The following SYTL4 variants were observed in gnomAD, a reference collection of about 807,000 sequenced individuals.
SYTL4 encodes synaptotagmin like 4.
SYTL4 carries 16 observed loss-of-function variants against 52.7 expected under a neutral mutation model. The ratio of observed to expected loss-of-function variants is 0.30; its 90% CI spans 0.21 to 0.46. The LOEUF is 0.46. Among genes scored for constraint, SYTL4 ranks in the 20% least tolerant of loss-of-function variants. The pLI, the probability that SYTL4 is intolerant of heterozygous loss-of-function variation, is 1.00. For synonymous variants in SYTL4, 160 were observed against 186.6 expected (o/e 0.86, Z 1.16); for missense variants, 423 against 519.9 (o/e 0.81, Z 1.81).
At chrX:100,698,936 T>C (rs927514206) in intron 8 of SYTL4, among the ~76,000 whole-genome samples, 1 of 112,047 alleles carries the variant, frequency 8.9e-6, no homozygotes, top group East Asian at 2.8e-4. Context: ...ATAGTGGGGA[T>C]AGAAGAAAAT....
chrX:100,726,803 A>G (rs2084528319), intron 2 of SYTL4, among the ~76,000 whole-genome samples: 1 of 111,491 alleles, frequency 9.0e-6, no homozygotes, highest in Non-Finnish European at 1.9e-5. Context: ...AATTATATAA[A>G]TTTATGGGGT....
In SYTL4 at chrX:100,689,884, T is replaced by G; in HGVS notation, c.884A>C (p.Lys295Thr). The G allele has an allele frequency of 3.3e-6, 4 of 1,208,799 alleles. No homozygotes were observed. The highest frequency in any genetic ancestry group is 4.5e-6 in the Non-Finnish European group (4 of 892,914). ...ATCCACATTGAGGCCTGGGACGGAT[T>G]TGCTTCTGTCTCCCAAGGAGCCACT... is the stretch of plus-strand genomic sequence containing the variant. ...HESGSLGDRS[K>T]SVPGLNVDME... The change falls in exon 12 of 20, where the codon AAA (lysine) becomes ACA (threonine). Residue 295 changes from lysine to threonine, a missense_variant. Physicochemically the swap from Lys to Thr is moderately conservative, Grantham distance 78. Coordinates refer to ENST00000372989, the MANE Select transcript of SYTL4 (RefSeq NM_001370165.1).
At chrX:100,731,263 A>T (rs1475783827) in intron 2 of SYTL4, among the ~76,000 whole-genome samples, 155 bp downstream of exon 2, 1 of 111,452 alleles carries the variant, frequency 9.0e-6, no homozygotes, top group Non-Finnish European at 1.9e-5. Flanking sequence ...CCCTTCTGAG[A>T]TCTCGGGGAC....
intron 2 of SYTL4, among the ~76,000 whole-genome samples, chrX:100,727,046 C>A (rs1243851881): frequency 9.0e-6 from 1 of 111,262 alleles, no homozygotes; most frequent in African/African-American, 3.3e-5. Context: ...TACGATCTGC[C>A]TTCTCTCCTC....
intron 8 of SYTL4, among the ~76,000 whole-genome samples, chrX:100,699,581 C>T (rs1211755871): frequency 1.1e-5 from 1 of 94,759 alleles, no homozygotes; most frequent in Non-Finnish European, 2.1e-5. Flanking sequence ...CTCTGCCTCC[C>T]AGGTTCAAGT....
chrX:100,690,108 T>C lies in SYTL4; in HGVS notation c.775A>G (p.Lys259Glu). The change falls in exon 11 of 20, where the codon AAG (lysine) becomes GAG (glutamate). Residue 259 changes from lysine to glutamate, a missense_variant. Physicochemically the swap from Lys to Glu is moderately conservative, Grantham distance 56. Transcript: ENST00000372989. ...VFVDEGEMIF[K>E]KNTRKILRPS... ...CTGAGGATTTTTCTGGTGTTCTTCTTAAATATCATCTCACCCTCATCCACA... is the reference window on the plus strand; with the variant it reads ...CTGAGGATTTTTCTGGTGTTCTTCTCAAATATCATCTCACCCTCATCCACA... The C allele has an allele frequency of 8.3e-7, 1 of 1,211,100 alleles. No individual in the cohort carries two copies. The highest frequency in any genetic ancestry group is 1.1e-6 in the Non-Finnish European group (1 of 895,129).
At chrX:100,705,987 TC>T (rs1448646207) in intron 2 of SYTL4, among the ~76,000 whole-genome samples, 1 of 110,096 alleles carries the variant, frequency 9.1e-6, no homozygotes, top group Non-Finnish European at 1.9e-5. Context: ...TGATCTATCT[TC>T]CCCCCATACC....
intron 2 of SYTL4, among the ~76,000 whole-genome samples, chrX:100,718,562 T>C (rs1297496427): frequency 4.5e-5 from 5 of 110,805 alleles, no homozygotes; most frequent in African/African-American, 9.8e-5. Flanking sequence ...TGTCCATCCA[T>C]GGAGCACATC....
intron 2 of SYTL4, among the ~76,000 whole-genome samples, chrX:100,723,729 G>A (rs995719369): frequency 7.4e-5 from 8 of 107,892 alleles, no homozygotes; most frequent in Middle Eastern, 4.9e-3. Context: ...GTCTCTGCCC[G>A]GCCGCCCCGT....
chrX:100,723,663 C>T (rs750169518), intron 2 of SYTL4, among the ~76,000 whole-genome samples: 2 of 109,252 alleles, frequency 1.8e-5, no homozygotes, highest in Non-Finnish European at 3.8e-5. Context: ...GGCCGCCCAT[C>T]GTCTGAGATG....
intron 16 of SYTL4, 118 bp from the exon 17 acceptor site, chrX:100,681,453 C>T (rs1369170599): frequency 5.9e-6 from 3 of 505,005 alleles, no homozygotes; most frequent in Non-Finnish European, 9.9e-6. Context: ...AAAGAGGATC[C>T]TTCTTCATAT....
rs780720282 is a variant in SYTL4, at chrX:100,689,866, T to C, written c.902A>G (p.Asn301Ser). The change falls in exon 12 of 20, where the codon AAT (asparagine) becomes AGT (serine). Residue 301 changes from asparagine to serine, a missense_variant. Asn to Ser is a conservative substitution (Grantham distance 46). Transcript: ENST00000372989. ...GDRSKSVPGL[N>S]VDMEEEEEEE... ...TATAAGGGCACCTACCATATCCACA[T>C]TGAGGCCTGGGACGGATTTGCTTCT... 7.5e-6 allele frequency: 9 copies of C among 1,198,853 alleles called. No individual in the cohort carries two copies. Among genetic ancestry groups the C allele is most frequent in the South Asian group, 1.8e-5 (1 of 56,194 alleles).
In SYTL4 at chrX:100,680,180, C is replaced by T. The variant is rs143742042; in HGVS notation, c.1559-768G>A. On this transcript the variant is annotated intron_variant, in intron 17 of 19. Coordinates refer to ENST00000372989, the MANE Select transcript of SYTL4 (RefSeq NM_001370165.1). ...TCTCAGACCTCATCTGGTCTGACCT[C>T]CCTGTAGTATTTCAATACTGTTGAT... Among the ~76,000 whole-genome samples, 391 of 111,365 alleles carry T rather than the reference C, an allele frequency of 3.5e-3. 1 individual carries two copies. Among genetic ancestry groups the T allele is most frequent in the African/African-American group, 0.012 (381 of 30,642 alleles).
chrX:100,708,975 C>T (rs2084012185), intron 2 of SYTL4, among the ~76,000 whole-genome samples: 1 of 111,730 alleles, frequency 9.0e-6, no homozygotes, highest in Non-Finnish European at 1.9e-5. Context: ...CCAGACGTAA[C>T]CTCTTTGAAG....
chrX:100,691,599 G>A (rs1347529829), intron 8 of SYTL4, among the ~76,000 whole-genome samples: 3 of 110,465 alleles, frequency 2.7e-5, no homozygotes, highest in Admixed American at 9.6e-5. Flanking sequence ...GTGCAGTGGC[G>A]CGATCTTGGC....
At chrX:100,692,237 C>T (rs2083613246) in intron 8 of SYTL4, among the ~76,000 whole-genome samples, 1 of 111,752 alleles carries the variant, frequency 8.9e-6, no homozygotes, top group Non-Finnish European at 1.9e-5. Context: ...GTAACAGTCA[C>T]CACATATGTA....
chrX:100,707,019 C>T (rs2083969825), intron 2 of SYTL4, among the ~76,000 whole-genome samples: 1 of 111,352 alleles, frequency 9.0e-6, no homozygotes, highest in Non-Finnish European at 1.9e-5. Context: ...TTAACATATA[C>T]TTCTTTGTTG....
chrX:100,706,087 C>T (rs1450888522), intron 2 of SYTL4, among the ~76,000 whole-genome samples: 4 of 111,538 alleles, frequency 3.6e-5, no homozygotes, highest in African/African-American at 1.3e-4. Flanking sequence ...CCACAACTGC[C>T]CATGAAAATC....
In SYTL4 at chrX:100,689,931, G is replaced by A. The variant is rs772158619; in HGVS notation, c.837C>T (p.Arg279=). The A allele has an allele frequency of 1.2e-5, 14 of 1,206,063 alleles. No homozygotes were observed. The highest frequency in any genetic ancestry group is 1.6e-5 in the Non-Finnish European group (14 of 892,487). The stretch of plus-strand genomic sequence containing the variant: ...CACTTTCATGTACCACATCTTCTGG[G>A]CGAAGATCTATCACAGATTTAGTGT... ...SEYTKSVIDL[R]PEDVVHESGS... Residue 279 remains arginine (R), a synonymous_variant, in exon 12 of 20, where the codon CGC becomes CGT. Transcript: ENST00000372989.
Sources: gnomAD v4.1 joint callset for allele counts (sites outside exome capture counted in the v4.1 genomes callset) on GRCh38, gnomAD v4.1.1 for gene constraint, MANE v1.5 for transcripts, NCBI Gene and HGNC (gene_info 2026-07-23, HGNC 2026-07-21) for gene names.